The following TENM3 variants were observed in gnomAD, a reference collection of about 807,000 sequenced individuals.
TENM3 encodes teneurin-3.
Under a neutral mutation model 255.1 loss-of-function variants are expected in TENM3, and 63 were observed. The ratio of observed to expected loss-of-function variants is 0.25; its 90% CI spans 0.20 to 0.30. The LOEUF is 0.30. TENM3 is among the 10% of genes least tolerant of loss of function. TENM3 has a pLI of 1.00. For missense variants in TENM3, 2,929 were observed against 3,461.1 expected (o/e 0.85, Z 3.86); for synonymous variants, 1,306 against 1,322.3 (o/e 0.99, Z 0.27).
At chr4:181,550,910 T>C in the TENM3 span, among the ~76,000 whole-genome samples, 4 of 151,238 alleles carry the variant, frequency 2.6e-5, no homozygotes, top group African/African-American at 7.2e-5. Context: ...TAATAATTTA[T>C]ATGTTTTGTG....
At chr4:181,665,624 T>TAC in the TENM3 span, among the ~76,000 whole-genome samples, 10 of 146,444 alleles carry the variant, frequency 6.8e-5, no homozygotes, top group Admixed American at 3.5e-4. Flanking sequence ...AATGTGTATA[T>TAC]ATACACACAC....
At chr4:182,426,255 G>A in intron 3 of TENM3, among the ~76,000 whole-genome samples, 1 of 152,036 alleles carries the variant, frequency 6.6e-6, no homozygotes, top group East Asian at 1.9e-4. Flanking sequence ...GGTTGCGTGG[G>A]TAGCTCCTTC....
the TENM3 span, among the ~76,000 whole-genome samples, chr4:181,542,023 A>G: frequency 6.6e-6 from 1 of 152,202 alleles, no homozygotes; most frequent in Non-Finnish European, 1.5e-5. Context: ...ACGACATGGC[A>G]GGTATTCTTC....
chr4:182,591,237 T>G (rs1417830728), intron 3 of TENM3, among the ~76,000 whole-genome samples: 1 of 152,018 alleles, frequency 6.6e-6, no homozygotes, highest in Non-Finnish European at 1.5e-5. Context: ...CAGTAGAATC[T>G]AAAAAAAGAG....
chr4:181,908,235 T>C, the TENM3 span, among the ~76,000 whole-genome samples: 1 of 152,192 alleles, frequency 6.6e-6, no homozygotes, highest in Non-Finnish European at 1.5e-5. Context: ...TAAAGTGACT[T>C]TCAATAATTA....
chr4:182,234,843 A>G (rs1273314984), intron 1 of TENM3, among the ~76,000 whole-genome samples: 1 of 152,210 alleles, frequency 6.6e-6, no homozygotes, highest in Non-Finnish European at 1.5e-5. Flanking sequence ...GTGTACTGAT[A>G]GAGATATACC....
At chr4:182,374,126 C>G (rs1173618923) in intron 3 of TENM3, among the ~76,000 whole-genome samples, 1 of 152,102 alleles carries the variant, frequency 6.6e-6, no homozygotes, top group Non-Finnish European at 1.5e-5. Context: ...TGCTTTGTGT[C>G]TTACTATTTC....
At chr4:181,716,407 C>T in the TENM3 span, among the ~76,000 whole-genome samples, 1 of 152,174 alleles carries the variant, frequency 6.6e-6, no homozygotes, top group Non-Finnish European at 1.5e-5. Context: ...TAAGTGAAGT[C>T]CTGTGTCTGT....
chr4:182,479,463 T>C (rs1733985157), intron 3 of TENM3, among the ~76,000 whole-genome samples: 1 of 152,004 alleles, frequency 6.6e-6, no homozygotes, highest in South Asian at 2.1e-4. Context: ...CTCAGGCTTA[T>C]GAGTACTTAA....
chr4:182,593,654 C>G (rs888852457), intron 3 of TENM3, among the ~76,000 whole-genome samples: 1 of 152,112 alleles, frequency 6.6e-6, no homozygotes, highest in African/African-American at 2.4e-5. Flanking sequence ...CAGTTGGAGT[C>G]GCTGCAGTGA....
At chr4:182,717,540 A>G (rs1007060822) in intron 13 of TENM3, among the ~76,000 whole-genome samples, 1 of 152,172 alleles carries the variant, frequency 6.6e-6, no homozygotes, top group South Asian at 2.1e-4. Context: ...TGCTTCTCAA[A>G]TCCAGCTCCA....
chr4:181,511,327 T>C, the TENM3 span, among the ~76,000 whole-genome samples: 4 of 152,288 alleles, frequency 2.6e-5, no homozygotes, highest in South Asian at 2.1e-4. Flanking sequence ...TTGGAATCTT[T>C]CTCAGATGAG....
chr4:182,362,648 A>G (rs943521291), intron 3 of TENM3, among the ~76,000 whole-genome samples: 3 of 152,160 alleles, frequency 2.0e-5, no homozygotes, highest in African/African-American at 7.2e-5. Flanking sequence ...TGCCTAGGAA[A>G]GGGAACTCCA....
chr4:182,343,456 G>A (rs1764608931), intron 2 of TENM3, among the ~76,000 whole-genome samples: 1 of 152,202 alleles, frequency 6.6e-6, no homozygotes, highest in Non-Finnish European at 1.5e-5. Context: ...CTTTTCCAAT[G>A]TAAAGAAAAC....
At chr4:182,365,643 G>A (rs1766385026) in intron 3 of TENM3, among the ~76,000 whole-genome samples, 1 of 152,152 alleles carries the variant, frequency 6.6e-6, no homozygotes, top group Non-Finnish European at 1.5e-5. Context: ...CATAAAGCAG[G>A]CGATAAATAG....
chr4:182,425,389 C>T (rs76280188), intron 3 of TENM3, among the ~76,000 whole-genome samples: 8,803 of 152,214 alleles, frequency 0.058, 439 homozygotes, highest in East Asian at 0.26. Flanking sequence ...TATTAACCTC[C>T]TCTGTAAGGA....
intron 3 of TENM3, among the ~76,000 whole-genome samples, chr4:182,581,199 A>G (rs1745459945): frequency 6.6e-6 from 1 of 152,226 alleles, no homozygotes; most frequent in Non-Finnish European, 1.5e-5. Flanking sequence ...TGTTTTTAAT[A>G]TAACATGAAA....
the TENM3 span, among the ~76,000 whole-genome samples, chr4:181,891,408 A>T: frequency 6.6e-6 from 1 of 152,190 alleles, no homozygotes; most frequent in South Asian, 2.1e-4. Flanking sequence ...CTTTCCTACC[A>T]CTCAGCACCT....
chr4:181,791,316 A>G, the TENM3 span, among the ~76,000 whole-genome samples: 2 of 152,158 alleles, frequency 1.3e-5, no homozygotes, highest in Non-Finnish European at 2.9e-5. Context: ...TATTTTTCCT[A>G]CAATGAAATA....
Sources: gnomAD v4.1 joint callset for allele counts (sites outside exome capture counted in the v4.1 genomes callset) on GRCh38, gnomAD v4.1.1 for gene constraint, MANE v1.5 for transcripts, NCBI Gene and HGNC (gene_info 2026-07-23, HGNC 2026-07-21) for gene names.